AGBL1: variants seen among roughly 807,000 people sequenced by gnomAD.
AGBL1 encodes the protein AGBL carboxypeptidase 1.
In AGBL1, 130 loss-of-function variants were observed where a neutral mutation model predicts 118.9. The ratio of observed to expected loss-of-function variants is 1.09; its 90% CI spans 0.95 to 1.26. The LOEUF (loss-of-function observed/expected upper bound fraction) is 1.26. Ranked by LOEUF, AGBL1 falls within the 50% of genes most tolerant of loss-of-function variation. The pLI, the probability that AGBL1 is intolerant of heterozygous loss-of-function variation, is 0.00. For synonymous variants in AGBL1, 555 were observed against 478.9 expected (o/e 1.16, Z -2.08); for missense variants, 1,584 against 1,298.1 (o/e 1.22, Z -3.38).
chr15:86,093,055 C>T (rs1467491161), intron 1 of AGBL1, among the ~76,000 whole-genome samples: 3 of 152,098 alleles, frequency 2.0e-5, no homozygotes, highest in South Asian at 2.1e-4. Context: ...ATTGTATATT[C>T]GGTGACCTTG....
At chr15:86,392,029 A>G (rs1275925249) in intron 17 of AGBL1, among the ~76,000 whole-genome samples, 1 of 152,106 alleles carries the variant, frequency 6.6e-6, no homozygotes, top group Non-Finnish European at 1.5e-5. Flanking sequence ...TGCCTTTGTG[A>G]AATTGACATA....
rs561027858 is a variant in AGBL1, at chr15:86,907,894, G to A, written c.*600G>A. 1.3e-5 allele frequency: 2 copies of A among 152,184 alleles called. No homozygotes were observed. Among genetic ancestry groups the A allele is most frequent in the South Asian group, 4.2e-4 (2 of 4,806 alleles). The allele number at this position is 152,184 out of a possible 1,614,324, so 9.4% of individuals were successfully genotyped here. A position where few individuals can be genotyped will look rare whatever the true frequency, so the allele number is the denominator to read the frequency against. Reference sequence around the variant, plus strand: ...CAAGCAGCATATATTTTACATATGTGGTACAGGCCAGAAGCTGCACTAGAC... The same window carrying A: ...CAAGCAGCATATATTTTACATATGTAGTACAGGCCAGAAGCTGCACTAGAC... On this transcript the variant is annotated 3_prime_UTR_variant, in exon 23 of 23. Transcript: ENST00000614907.
In AGBL1 at chr15:86,607,818, G is replaced by C. The variant is rs555066979; in HGVS notation, c.2994+53281G>C. Among the ~76,000 whole-genome samples the C allele has an allele frequency of 2.0e-4, 30 of 152,262 alleles. 1 individual carries two copies. The South Asian group carries it at 6.2e-3, about 32-fold the overall frequency. On this transcript the variant is annotated intron_variant, in intron 21 of 22. Coordinates refer to ENST00000614907, the MANE Select transcript of AGBL1 (RefSeq NM_001386094.1). The stretch of plus-strand genomic sequence containing the variant: ...GCTTTTTTGATTTCTGATGTCTCAA[G>C]GGGAATGTGCTATAGAGGAACAACT...
chr15:86,964,185 G>A (rs771095276), intron 23 of AGBL1, among the ~76,000 whole-genome samples: 13 of 151,938 alleles, frequency 8.6e-5, no homozygotes, highest in Non-Finnish European at 1.9e-4. Context: ...ACCTGGTTCT[G>A]CCTGACTGTA....
intron 21 of AGBL1, among the ~76,000 whole-genome samples, chr15:86,573,642 A>C (rs1200215488): frequency 6.6e-6 from 1 of 152,182 alleles, no homozygotes; most frequent in South Asian, 2.1e-4. Flanking sequence ...TAGGGTATGC[A>C]TCCTGCTGGA....
At chr15:86,463,288 GT>G (rs796139856) in intron 18 of AGBL1, among the ~76,000 whole-genome samples, 201 of 137,282 alleles carry the variant, frequency 1.5e-3, no homozygotes, top group East Asian at 5.1e-3. Context: ...GGGGTTGTTT[GT>G]TTTTTTTTTT....
intron 22 of AGBL1, among the ~76,000 whole-genome samples, chr15:86,814,432 C>T (rs2078832310): frequency 6.6e-6 from 1 of 152,160 alleles, no homozygotes; most frequent in Admixed American, 6.5e-5. Flanking sequence ...GGTGGCCAGG[C>T]AGAGACTGAA....
chr15:86,999,371 C>G (rs1056626778), intron 24 of AGBL1, among the ~76,000 whole-genome samples: 1 of 147,064 alleles, frequency 6.8e-6, no homozygotes, highest in Non-Finnish European at 1.5e-5. Context: ...TCCCTCCCCC[C>G]TGCCACCACC....
chr15:87,002,818 A>G (rs1473798691), intron 24 of AGBL1, among the ~76,000 whole-genome samples: 1 of 152,206 alleles, frequency 6.6e-6, no homozygotes, highest in African/African-American at 2.4e-5. Context: ...TGATTTTTGC[A>G]CATTGATTTT....
At chr15:86,670,650 G>GTGTGTGTATATATA (rs369000727) in intron 21 of AGBL1, among the ~76,000 whole-genome samples, 2 of 141,138 alleles carry the variant, frequency 1.4e-5, no homozygotes, top group East Asian at 4.5e-4. Context: ...GTGTGTGTGT[G>GTGTGTGTATATATA]TATATATATA....
intron 22 of AGBL1, among the ~76,000 whole-genome samples, chr15:86,775,816 C>T (rs936654873): frequency 1.3e-5 from 2 of 152,016 alleles, no homozygotes; most frequent in Non-Finnish European, 2.9e-5. Context: ...AATATTATGA[C>T]AGACACCTAT....
chr15:86,986,256 G>T (rs889525806), intron 23 of AGBL1, among the ~76,000 whole-genome samples: 20 of 152,108 alleles, frequency 1.3e-4, no homozygotes, highest in African/African-American at 4.6e-4. Flanking sequence ...TATCTGTAAA[G>T]AATTAAATTT....
At chr15:86,199,433 G>A (rs539014653) in intron 5 of AGBL1, among the ~76,000 whole-genome samples, 1 of 152,086 alleles carries the variant, frequency 6.6e-6, no homozygotes, top group Admixed American at 6.5e-5. Context: ...AAGACATTTG[G>A]CCATTTGGCC....
At chr15:86,618,079 T>G (rs2084755730) in intron 21 of AGBL1, among the ~76,000 whole-genome samples, 1 of 152,124 alleles carries the variant, frequency 6.6e-6, no homozygotes. Flanking sequence ...GAAACTGAAG[T>G]CTTGATGGAA....
chr15:86,778,396 C>A (rs913449906), intron 22 of AGBL1, among the ~76,000 whole-genome samples: 5 of 152,130 alleles, frequency 3.3e-5, no homozygotes, highest in African/African-American at 9.7e-5. Context: ...ATTTCCTTGT[C>A]CTAATAAGAC....
chr15:86,559,900 C>T (rs1224542291), intron 21 of AGBL1, among the ~76,000 whole-genome samples: 1 of 152,120 alleles, frequency 6.6e-6, no homozygotes, highest in East Asian at 1.9e-4. Flanking sequence ...ACCTTCTGCA[C>T]TTGGCTGTAA....
intron 22 of AGBL1, among the ~76,000 whole-genome samples, chr15:86,906,032 C>T (rs1047225217): frequency 6.6e-6 from 1 of 152,224 alleles, no homozygotes; most frequent in Admixed American, 6.5e-5. Flanking sequence ...ACAATTAAGA[C>T]ACTGGCCTTT....
chr15:86,436,089 C>CTTTTTTT, intron 18 of AGBL1, among the ~76,000 whole-genome samples: 1 of 111,542 alleles, frequency 9.0e-6, no homozygotes, highest in South Asian at 3.1e-4. Context: ...CCTTTCCTCT[C>CTTTTTTT]TTTTTTTTTT....
chr15:86,521,136 T>C (rs1287933223), intron 18 of AGBL1, among the ~76,000 whole-genome samples: 3 of 152,186 alleles, frequency 2.0e-5, no homozygotes, highest in Non-Finnish European at 4.4e-5. Context: ...AGATTTTTAG[T>C]TTCCAGTAAG....
Sources: allele counts gnomAD v4.1 joint callset (sites outside exome capture counted in the v4.1 genomes callset), GRCh38; gene constraint gnomAD v4.1.1; transcripts MANE v1.5; gene names NCBI Gene and HGNC (gene_info 2026-07-23, HGNC 2026-07-21).